The following TENM3 variants were observed in gnomAD, a reference collection of about 807,000 sequenced individuals.
TENM3 encodes teneurin-3.
A neutral mutation model predicts 255.1 loss-of-function variants in TENM3; 63 were observed. The ratio of observed to expected loss-of-function variants is 0.25; its 90% CI spans 0.20 to 0.30. The LOEUF (loss-of-function observed/expected upper bound fraction) is 0.30. Ranked by LOEUF, TENM3 falls within the 10% of genes least tolerant of loss-of-function variation. The probability of loss-of-function intolerance (pLI) is 1.00; values close to 1 mark genes in which losing one functional copy is unlikely to be tolerated. For synonymous variants in TENM3, 1,306 were observed against 1,322.3 expected (o/e 0.99, Z 0.27); for missense variants, 2,929 against 3,461.1 (o/e 0.85, Z 3.86).
the TENM3 span, among the ~76,000 whole-genome samples, chr4:182,086,266 C>T: frequency 6.6e-6 from 1 of 152,258 alleles, no homozygotes; most frequent in Admixed American, 6.5e-5. Flanking sequence ...CACCCAGACA[C>T]GGCATCTCAG....
the TENM3 span, among the ~76,000 whole-genome samples, chr4:181,545,079 T>A: frequency 2.7e-3 from 417 of 152,346 alleles, 4 homozygotes; most frequent in African/African-American, 9.6e-3. Context: ...GAACTTCAAG[T>A]ACATCAGTGA....
chr4:182,076,213 CTTTTT>C, the TENM3 span, among the ~76,000 whole-genome samples: 1 of 126,388 alleles, frequency 7.9e-6, no homozygotes. Context: ...TCTTCTTCTT[CTTTTT>C]TTTTTTTTTT....
the TENM3 span, among the ~76,000 whole-genome samples, chr4:181,704,490 T>G: frequency 6.6e-6 from 1 of 152,182 alleles, no homozygotes; most frequent in African/African-American, 2.4e-5. Flanking sequence ...TCCTCCTCCC[T>G]CCTGTCTTCA....
At chr4:182,428,304 A>G (rs976357940) in intron 3 of TENM3, among the ~76,000 whole-genome samples, 3 of 152,154 alleles carry the variant, frequency 2.0e-5, no homozygotes, top group Admixed American at 6.5e-5. Context: ...AATGAATGTC[A>G]ATCAAGACAT....
chr4:182,152,786 G>A lies in TENM3; in HGVS notation c.-76+8032G>A, dbSNP rs1182239474. On this transcript the variant is annotated intron_variant, in intron 1 of 2. Coordinates refer to the TENM3 transcript ENST00000512480. ...TGGTTGTGATATAATTTTCTATATT[G>A]TTTTAATTAGTATGATAGTAGATGC... Among the ~76,000 whole-genome samples, 4 of 151,534 alleles carry A rather than the reference G, an allele frequency of 2.6e-5. No homozygotes were observed. In the South Asian group the frequency reaches 8.3e-4, roughly 31 times the overall value.
intron 3 of TENM3, among the ~76,000 whole-genome samples, chr4:182,569,004 T>C (rs1198206918): frequency 6.6e-6 from 1 of 152,044 alleles, no homozygotes; most frequent in Non-Finnish European, 1.5e-5. Flanking sequence ...GGAAGGGAAT[T>C]GTCTGGAAAT....
At chr4:182,110,113 C>CA in the TENM3 span, among the ~76,000 whole-genome samples, 10,442 of 109,516 alleles carry the variant, frequency 0.095, 924 homozygotes, top group African/African-American at 0.25. Context: ...GACTCTGTCT[C>CA]AAAAAAAAAA....
chr4:181,555,385 A>G, the TENM3 span, among the ~76,000 whole-genome samples: 2 of 152,204 alleles, frequency 1.3e-5, no homozygotes, highest in African/African-American at 4.8e-5. Context: ...TGGACAGAAA[A>G]GTACCATACT....
chr4:181,738,707 C>A, the TENM3 span, among the ~76,000 whole-genome samples: 1 of 151,970 alleles, frequency 6.6e-6, no homozygotes, highest in Admixed American at 6.6e-5. Context: ...TTCTCCCAAG[C>A]ATGCATTCTG....
intron 1 of TENM3, among the ~76,000 whole-genome samples, chr4:182,234,902 A>G (rs1053964287): frequency 6.6e-6 from 1 of 152,138 alleles, no homozygotes; most frequent in Non-Finnish European, 1.5e-5. Flanking sequence ...AAGATGGGAT[A>G]GGGGAGACTC....
At chr4:182,222,448 A>G (rs1229657828) in intron 1 of TENM3, among the ~76,000 whole-genome samples, 1 of 152,216 alleles carries the variant, frequency 6.6e-6, no homozygotes. Context: ...GTGTGCTTGC[A>G]TGTGGCCATG....
chr4:182,032,326 T>C, the TENM3 span, among the ~76,000 whole-genome samples: 1 of 152,354 alleles, frequency 6.6e-6, no homozygotes, highest in Non-Finnish European at 1.5e-5. Context: ...TTTTTGACTT[T>C]GGTTCTGTTT....
the TENM3 span, among the ~76,000 whole-genome samples, chr4:181,826,407 G>A: frequency 2.6e-5 from 4 of 152,194 alleles, no homozygotes; most frequent in East Asian, 1.9e-4. Flanking sequence ...AAGGTGTGAC[G>A]GGATCAGGAT....
chr4:181,951,287 T>C, the TENM3 span, among the ~76,000 whole-genome samples: 1 of 152,182 alleles, frequency 6.6e-6, no homozygotes, highest in Non-Finnish European at 1.5e-5. Flanking sequence ...GGTGACAGCC[T>C]CTATTTTACT....
chr4:181,772,655 A>C, the TENM3 span, among the ~76,000 whole-genome samples: 1 of 152,206 alleles, frequency 6.6e-6, no homozygotes, highest in South Asian at 2.1e-4. Context: ...CTCAGCCCTG[A>C]GTTTTAGGAG....
the TENM3 span, among the ~76,000 whole-genome samples, chr4:181,449,953 C>A: frequency 6.6e-6 from 1 of 152,066 alleles, no homozygotes; most frequent in African/African-American, 2.4e-5. Flanking sequence ...CCTTTCAGAG[C>A]AAAATGATAT....
rs756218801 is a variant in TENM3 at position 182,729,140 on chromosome 4, T to C, written c.2544T>C (p.Asp848=). Reference sequence around the variant, plus strand: ...GAATCAGTTTCCTTATAGGATCTGATAGCACCCATGTTATACCTGGAGAAA... The same window carrying C: ...GAATCAGTTTCCTTATAGGATCTGACAGCACCCATGTTATACCTGGAGAAA... ...YDRISFLIGS[D]STHVIPGESP... is the part of the protein sequence containing the mutation. The change falls in exon 14 of 28, where the codon GAT becomes GAC. Residue 848 remains aspartate, a synonymous_variant. Transcript: ENST00000511685. The C allele has an allele frequency of 1.2e-6, 2 of 1,614,032 alleles. No individual in the cohort carries two copies. The highest frequency in any genetic ancestry group is 2.2e-5 in the South Asian group (2 of 91,086).
At chr4:182,498,089 A>G (rs1182058927) in intron 3 of TENM3, among the ~76,000 whole-genome samples, 1 of 152,088 alleles carries the variant, frequency 6.6e-6, no homozygotes, top group Non-Finnish European at 1.5e-5. Flanking sequence ...AAGTAGAGAA[A>G]GCATTTTTGT....
chr4:181,645,079 T>C, the TENM3 span, among the ~76,000 whole-genome samples: 1 of 152,178 alleles, frequency 6.6e-6, no homozygotes, highest in African/African-American at 2.4e-5. Context: ...TTCCAAAAAT[T>C]GGTGAATGAT....
Sources: gnomAD v4.1 joint callset for allele counts (sites outside exome capture counted in the v4.1 genomes callset) on GRCh38, gnomAD v4.1.1 for gene constraint, MANE v1.5 for transcripts, NCBI Gene and HGNC (gene_info 2026-07-23, HGNC 2026-07-21) for gene names.